Variants in PCDHAC2 observed in about 807,000 individuals in gnomAD.
The protein encoded by PCDHAC2 is protocadherin alpha-C2.
PCDHAC2 carries 24 observed loss-of-function variants against 63.3 expected under a neutral mutation model. The observed-to-expected ratio is 0.38, with a 90% confidence interval of 0.27 to 0.53. PCDHAC2 has a LOEUF of 0.53. Ranked by LOEUF, PCDHAC2 falls within the 20% of genes least tolerant of loss-of-function variation. The pLI, the probability that PCDHAC2 is intolerant of heterozygous loss-of-function variation, is 0.81. For synonymous variants in PCDHAC2, 569 were observed against 529.4 expected (o/e 1.07, Z -1.03); for missense variants, 1,181 against 1,275.2 (o/e 0.93, Z 1.12).
chr5:140,983,059 C>G (rs1325414567), intron 3 of PCDHAC2, among the ~76,000 whole-genome samples: 1 of 151,980 alleles, frequency 6.6e-6, no homozygotes, highest in African/African-American at 2.4e-5. Flanking sequence ...TTATCGGAAC[C>G]AAGGCATTGT....
At chr5:140,986,823 A>G (rs2097214089) in intron 3 of PCDHAC2, among the ~76,000 whole-genome samples, 1 of 152,166 alleles carries the variant, frequency 6.6e-6, no homozygotes, top group Admixed American at 6.5e-5. Context: ...TTTGGTTTAG[A>G]CAATGGTTCT....
intron 3 of PCDHAC2, among the ~76,000 whole-genome samples, chr5:140,991,325 G>C (rs899183687): frequency 3.3e-5 from 5 of 152,184 alleles, no homozygotes; most frequent in Non-Finnish European, 5.9e-5. Flanking sequence ...GATACATGAA[G>C]GGAATAGCTT....
rs185233104 is a variant in PCDHAC2, at chr5:140,979,751, C to T, written c.2624+744C>T. 6.6e-5 allele frequency among the ~76,000 whole-genome samples: 10 copies of T among 152,136 alleles called. No individual in the cohort carries two copies. The South Asian group carries it at 1.2e-3, about 19-fold the overall frequency. On this transcript the variant is annotated intron_variant, in intron 2 of 3. Coordinates refer to ENST00000289269, the MANE Select transcript of PCDHAC2 (RefSeq NM_018899.6). ...GGCCAAATAAAAGATTCATTATTTG[C>T]GAATGTCTTTGGAAACCAAATGGGA...
chr5:140,988,152 C>G (rs2153871090), intron 3 of PCDHAC2, among the ~76,000 whole-genome samples: 1 of 152,258 alleles, frequency 6.6e-6, no homozygotes, highest in East Asian at 1.9e-4. Flanking sequence ...ACCTCAACTT[C>G]TGCCGTTGTC....
intron 3 of PCDHAC2, among the ~76,000 whole-genome samples, chr5:140,985,666 A>G (rs547448150): frequency 1.3e-5 from 2 of 151,942 alleles, no homozygotes; most frequent in South Asian, 4.2e-4. Flanking sequence ...GAATAAAGGA[A>G]GTGGGGCCTG....
chr5:140,983,228 A>G (rs1012242202), intron 3 of PCDHAC2, among the ~76,000 whole-genome samples: 1 of 152,240 alleles, frequency 6.6e-6, no homozygotes, highest in South Asian at 2.1e-4. Flanking sequence ...CCAAACTTTC[A>G]GGAAAGAGAA....
At chr5:140,999,755 A>G (rs932293037) in intron 3 of PCDHAC2, among the ~76,000 whole-genome samples, 1 of 152,168 alleles carries the variant, frequency 6.6e-6, no homozygotes, top group South Asian at 2.1e-4. Context: ...TTCGCAGCAC[A>G]TGATGTCTTT....
chr5:140,967,750 C>T lies in PCDHAC2; in HGVS notation c.984C>T (p.Ala328=), dbSNP rs782284231. 3 of 1,614,072 alleles carry T rather than the reference C, an allele frequency of 1.9e-6. No individual in the cohort carries two copies. Among genetic ancestry groups the T allele is most frequent in the Non-Finnish European group, 8.5e-7 (1 of 1,180,030 alleles). ...TTGGGGGGCTGGATTATGAGGAAGC[C>T]TCCTCCTACCAGATCTATGTGCAGG... is the stretch of plus-strand genomic sequence containing the variant. The part of the protein sequence containing the change: ...RVIGGLDYEE[A]SSYQIYVQAT... Residue 328 remains alanine (A), a synonymous_variant, in exon 1 of 4, where the codon GCC becomes GCT. Transcript: ENST00000289269.
chr5:140,983,711 G>C (rs2097062291), intron 3 of PCDHAC2, among the ~76,000 whole-genome samples: 1 of 152,202 alleles, frequency 6.6e-6, no homozygotes, highest in Non-Finnish European at 1.5e-5. Context: ...AGTATATCTA[G>C]CACTTATATT....
chr5:140,969,244 G>A lies in PCDHAC2; in HGVS notation c.2478G>A (p.Val826=), dbSNP rs1345944804. Residue 826 remains valine, a synonymous_variant, in exon 1 of 4, where the codon GTG becomes GTA. Coordinates refer to ENST00000289269, the MANE Select transcript of PCDHAC2 (RefSeq NM_018899.6). ...GGCCTTCGGGAGCCCAAGCAGCAGT[G>A]ACTGACAGCAGGAATCTCACAGGCC... ...GPGPSGAQAA[V]TDSRNLTGQS... 2 of 1,614,088 alleles carry A rather than the reference G, an allele frequency of 1.2e-6. No individual in the cohort carries two copies. Among genetic ancestry groups the A allele is most frequent in the Non-Finnish European group, 1.7e-6 (2 of 1,180,054 alleles).
At chr5:140,976,486 G>T (rs782708902) in intron 1 of PCDHAC2, among the ~76,000 whole-genome samples, 1 of 152,078 alleles carries the variant, frequency 6.6e-6, no homozygotes, top group Non-Finnish European at 1.5e-5. Context: ...GGGAGGCAGA[G>T]GTTGCAGGGA....
chr5:141,004,745 A>C (rs1282005519), intron 3 of PCDHAC2, among the ~76,000 whole-genome samples: 2 of 152,158 alleles, frequency 1.3e-5, no homozygotes, highest in Non-Finnish European at 2.9e-5. Flanking sequence ...CTTTTGTCTC[A>C]GTCTCTTAGA....
At position 140,970,818 on chromosome 5, in the gene PCDHAC2, G is replaced by A. The variant is rs77234853; in HGVS notation, c.2565+1487G>A. Among the ~76,000 whole-genome samples, 569 of 152,084 alleles carry A rather than the reference G, an allele frequency of 3.7e-3. 1 individual carries two copies. The highest frequency in any genetic ancestry group is 5.8e-3 in the South Asian group (28 of 4,824). On this transcript the variant is annotated intron_variant, in intron 1 of 3. Coordinates refer to ENST00000289269, the MANE Select transcript of PCDHAC2 (RefSeq NM_018899.6). ...CATATTGTTACATTTCAAGTTCATGGTAATCTTGAGGAATGTAATGCACAG... is the reference window on the plus strand; with the variant it reads ...CATATTGTTACATTTCAAGTTCATGATAATCTTGAGGAATGTAATGCACAG...
At chr5:140,975,213 G>A (rs1205237242) in intron 1 of PCDHAC2, among the ~76,000 whole-genome samples, 2 of 152,178 alleles carry the variant, frequency 1.3e-5, no homozygotes, top group African/African-American at 4.8e-5. Context: ...GGCTGGCACT[G>A]GAGAATCTTC....
In PCDHAC2 at chr5:141,010,527, G is replaced by T; in HGVS notation, c.*590G>T. On this transcript the variant is annotated 3_prime_UTR_variant, in exon 4 of 4. Transcript: ENST00000289269. ...AAATCTTACAACTCAAGAGGTGGCA[G>T]CCACCCTCTAGGAGACAAAACTACC... The T allele has an allele frequency of 2.3e-6, 1 of 431,062 alleles. No homozygotes were observed. Among genetic ancestry groups the T allele is most frequent in the African/African-American group, 2.0e-5 (1 of 49,970 alleles). 26.7% of individuals were successfully genotyped at this position (431,062 alleles called of 1,614,324 possible).
At chr5:141,000,743 T>TA (rs527867626) in intron 3 of PCDHAC2, among the ~76,000 whole-genome samples, 4,963 of 145,376 alleles carry the variant, frequency 0.034, 280 homozygotes, top group African/African-American at 0.12. Flanking sequence ...CTCTGTATAT[T>TA]AAAAAAAAAA....
intron 1 of PCDHAC2, among the ~76,000 whole-genome samples, chr5:140,969,920 A>G (rs1554232150): frequency 6.6e-6 from 1 of 152,226 alleles, no homozygotes; most frequent in African/African-American, 2.4e-5. Flanking sequence ...ATAAAGCTGT[A>G]GTATTTAGAC....
intron 3 of PCDHAC2, among the ~76,000 whole-genome samples, chr5:140,986,736 A>G (rs1056820843): frequency 1.3e-5 from 2 of 152,206 alleles, no homozygotes; most frequent in Non-Finnish European, 2.9e-5. Flanking sequence ...TCAAGACCCC[A>G]GGGGATCTGG....
chr5:141,007,679 T>A (rs1362984196), intron 3 of PCDHAC2, among the ~76,000 whole-genome samples: 2 of 152,186 alleles, frequency 1.3e-5, no homozygotes, highest in Admixed American at 6.5e-5. Context: ...ACAAAAGTTA[T>A]CCTACTTCCA....
Sources: allele counts gnomAD v4.1 joint callset (sites outside exome capture counted in the v4.1 genomes callset), GRCh38; gene constraint gnomAD v4.1.1; transcripts MANE v1.5; gene names NCBI Gene and HGNC (gene_info 2026-07-23, HGNC 2026-07-21).